CRIP3: variants seen among roughly 807,000 people sequenced by gnomAD.
CRIP3 encodes cysteine-rich protein 3.
CRIP3 carries 23 observed loss-of-function variants against 30.3 expected under a neutral mutation model. That is an observed-to-expected ratio of 0.76 (90% CI 0.55 to 1.08). The LOEUF (loss-of-function observed/expected upper bound fraction) is 1.08, where lower values mean the gene tolerates loss of function less well. Ranked by LOEUF, CRIP3 falls within the 50% of genes least tolerant of loss-of-function variation. CRIP3 has a pLI of 0.00. For synonymous variants in CRIP3, 89 were observed against 97.6 expected (o/e 0.91, Z 0.52); for missense variants, 261 against 259.3 (o/e 1.01, Z -0.04).
intron 1 of CRIP3, 123 bp downstream of exon 1, chr6:43,308,627 C>T: frequency 8.0e-7 from 1 of 1,246,704 alleles, no homozygotes; most frequent in South Asian, 1.3e-5. Flanking sequence ...GGTGCGGAGA[C>T]TACCAGCCGC....
Position 43,308,262 on chromosome 6 carries a change from G to C in CRIP3, c.138+53C>G, listed in dbSNP as rs1033563544. The stretch of plus-strand genomic sequence containing the variant: ...TGCTGAAGTTGGGGGCTGGTGCCTG[G>C]GGGGTGGGAGGCAGTGATGTAAACA... On this transcript the variant is annotated intron_variant, in intron 2 of 7. Coordinates refer to ENST00000372569, the MANE Select transcript of CRIP3 (RefSeq NM_206922.3). 5 of 1,452,974 alleles carry C rather than the reference G, an allele frequency of 3.4e-6. No homozygotes were observed. In the Admixed American group the frequency reaches 7.7e-5, roughly 23 times the overall value. The allele number at this position is 1,452,974 out of a possible 1,614,324, so 90.0% of individuals were successfully genotyped here.
In CRIP3 at chr6:43,306,480, C is replaced by T. The variant is rs777653358; in HGVS notation, c.366G>A (p.Ser122=). ...CGGGCTCCCCACAGCCAGGGCACAG[C>T]GAGGTCTCCCCAGTGAATGTCTTCA... ...PHMKTFTGET[S]LCPGCGEPVY... is the part of the protein sequence containing the mutation. Residue 122 remains serine, a synonymous_variant, in exon 5 of 8, where the codon TCG becomes TCA. Coordinates refer to ENST00000372569, the MANE Select transcript of CRIP3 (RefSeq NM_206922.3). The T allele has an allele frequency of 3.8e-5, 62 of 1,612,716 alleles. No individual in the cohort carries two copies. The highest frequency in any genetic ancestry group is 5.0e-5 in the Non-Finnish European group (59 of 1,179,326).
At position 43,308,331 on chromosome 6, in the gene CRIP3, G is replaced by C. The variant is rs539152263; in HGVS notation, c.122C>G (p.Pro41Arg). Residue 41 changes from proline to arginine, a missense_variant, in exon 2 of 8, where the codon CCT becomes CGT. Transcript: ENST00000372569. ...AGGTCTTACCTCTGCATGCCCGCCA[G>C]GGGACAGGATGCTGTGGCAGCGCTC... is the stretch of plus-strand genomic sequence containing the variant. ...KCERCHSILS[P>R]GGHAEHNGRP... The C allele has an allele frequency of 6.2e-7, 1 of 1,612,818 alleles. No individual in the cohort carries two copies. The highest frequency in any genetic ancestry group is 1.7e-5 in the Admixed American group (1 of 59,864).
In CRIP3 at chr6:43,308,801, T is replaced by A; in HGVS notation, c.-9A>T. On this transcript the variant is annotated 5_prime_UTR_variant, in exon 1 of 8. Coordinates refer to ENST00000372569, the MANE Select transcript of CRIP3 (RefSeq NM_206922.3). ...GGACAGGTCCAGCTCATAGCTCCGC[T>A]CCAGGCAGCGCACGCGGCACACAGT... 5.0e-6 allele frequency: 8 copies of A among 1,613,888 alleles called. No homozygotes were observed. The highest frequency in any genetic ancestry group is 6.8e-6 in the Non-Finnish European group (8 of 1,180,002).
intron 7 of CRIP3, 22 bp downstream of exon 7, chr6:43,306,045 T>A (rs200169587): frequency 6.2e-7 from 1 of 1,609,522 alleles, no homozygotes; most frequent in East Asian, 2.2e-5. Flanking sequence ...GCCATCCCAG[T>A]GTCTGGGATG....
intron 4 of CRIP3, chr6:43,306,922 TGAA>T (rs1778947468): frequency 1.7e-5 from 3 of 180,532 alleles, no homozygotes; most frequent in Admixed American, 5.4e-5. Context: ...GGAGAAAAGT[TGAA>T]GAATATGAGA....
At chr6:43,307,360 G>A (rs902887008) in intron 4 of CRIP3, 10 of 288,334 alleles carry the variant, frequency 3.5e-5, no homozygotes, top group Non-Finnish European at 5.1e-5. Flanking sequence ...GGCTGGTCTC[G>A]AACTCCTGAC....
At position 43,306,054 on chromosome 6, in the gene CRIP3, TG is replaced by T. The variant is rs139840752; in HGVS notation, c.553+12del. The T allele has an allele frequency of 8.8e-5, 142 of 1,612,034 alleles. No individual in the cohort carries two copies. The African/African-American group carries it at 1.7e-3, about 19-fold the overall frequency. On this transcript the variant is annotated intron_variant, in intron 7 of 7. Coordinates refer to ENST00000372569, the MANE Select transcript of CRIP3 (RefSeq NM_206922.3). ...GTACATGCCATCCCAGTGTCTGGGA[TG>T]GGGCTGCCCACCTTTGGGGCCAAAC...
intron 4 of CRIP3, chr6:43,307,235 G>A (rs1008846918): frequency 2.7e-5 from 4 of 147,918 alleles, no homozygotes; most frequent in African/African-American, 7.7e-5. Flanking sequence ...CGCCTCCTGG[G>A]TTCAAATGAT....
At chr6:43,308,282 T>TAAACAGGGCAGTGCTCC (rs1482475398) in intron 2 of CRIP3, 33 bp downstream of exon 2, 1 of 1,545,742 alleles carries the variant, frequency 6.5e-7, no homozygotes, top group Admixed American at 1.8e-5. Flanking sequence ...GGCAGTGATG[T>TAAACAGGGCAGTGCTCC]AAACAGGGCA....
Position 43,306,528 on chromosome 6 carries a change from G to A in CRIP3, c.329-11C>T, listed in dbSNP as rs530236387. ...TCATATGGGGAGGGCCTTTAAAGGG[G>A]AAGAGGCCCTGGCTATGTCTGAGGT... On this transcript the variant is annotated splice_polypyrimidine_tract_variant and intron_variant, in intron 4 of 7. Transcript: ENST00000372569. 1.3e-6 allele frequency: 2 copies of A among 1,594,432 alleles called. No individual in the cohort carries two copies. Among genetic ancestry groups the A allele is most frequent in the East Asian group, 2.2e-5 (1 of 44,812 alleles).
rs924206535 is a variant in CRIP3, at chr6:43,306,214, C to T, written c.495+5G>A. ...AACATAACCACTCATTCCTGCCCTGCTCACCTCAGCATGACTCCCAGCAGT... is the reference window on the plus strand; with the variant it reads ...AACATAACCACTCATTCCTGCCCTGTTCACCTCAGCATGACTCCCAGCAGT... On this transcript the variant is annotated splice_donor_5th_base_variant and intron_variant, in intron 6 of 7. Coordinates refer to ENST00000372569, the MANE Select transcript of CRIP3 (RefSeq NM_206922.3). 4 of 1,614,044 alleles carry T rather than the reference C, an allele frequency of 2.5e-6. No individual in the cohort carries two copies. The African/African-American group carries it at 5.3e-5, about 22-fold the overall frequency.
intron 4 of CRIP3, 161 bp downstream of exon 4, chr6:43,307,448 AAAG>A: frequency 1.6e-5 from 10 of 619,062 alleles, no homozygotes; most frequent in Middle Eastern, 5.1e-4. Flanking sequence ...AGAAAGAAAG[AAAG>A]AAAAAAAAAG....
In CRIP3 at chr6:43,306,277, C is replaced by A. The variant is rs150386554; in HGVS notation, c.437G>T (p.Arg146Leu). 4 of 1,614,012 alleles carry A rather than the reference C, an allele frequency of 2.5e-6. No homozygotes were observed. Among genetic ancestry groups the A allele is most frequent in the South Asian group, 1.1e-5 (1 of 91,052 alleles). The change falls in exon 6 of 8, where the codon CGA becomes CTA. Residue 146 changes from arginine to leucine, a missense_variant. By Grantham distance (102) the Arg-to-Leu change is moderately radical. Transcript: ENST00000372569. Reference sequence around the variant, plus strand: ...GCAACGCTGGCACCTCAGACACGGTCGGTGCCAATTTCTGCCTAATGACAT... The same window carrying A: ...GCAACGCTGGCACCTCAGACACGGTAGGTGCCAATTTCTGCCTAATGACAT... ...KVMSLGRNWH[R>L]PCLRCQRCHK...
intron 4 of CRIP3, 93 bp downstream of exon 4, chr6:43,307,519 G>T: frequency 8.4e-7 from 1 of 1,193,932 alleles, no homozygotes. Flanking sequence ...GTGAAGCAGA[G>T]GGCTGGATAG....
rs760826223 is a variant in CRIP3 at position 43,305,755 on chromosome 6, T to C, written c.*59A>G. The C allele has an allele frequency of 1.6e-5, 26 of 1,602,656 alleles. No individual in the cohort carries two copies. The highest frequency in any genetic ancestry group is 1.0e-4 in the Admixed American group (6 of 59,964). On this transcript the variant is annotated 3_prime_UTR_variant, in exon 8 of 8. Transcript: ENST00000372569. ...GGACTGGAGATTTTTGTAGCTTCCA[T>C]TGGACCATGAGGGGCATGATGGGAG...
chr6:43,306,620 AGTGCCCCAC>A, intron 4 of CRIP3, 103 bp from the exon 5 acceptor site: 1 of 1,026,680 alleles, frequency 9.7e-7, no homozygotes. Context: ...CTCATTCCAG[AGTGCCCCAC>A]CCAGGCGCCC....
Position 43,308,817 on chromosome 6 carries a change from G to A in CRIP3, c.-25C>T, listed in dbSNP as rs966145841. The A allele has an allele frequency of 5.6e-6, 9 of 1,613,684 alleles. No homozygotes were observed. Among genetic ancestry groups the A allele is most frequent in the Admixed American group, 1.7e-5 (1 of 59,992 alleles). On this transcript the variant is annotated 5_prime_UTR_variant, in exon 1 of 8. Coordinates refer to ENST00000372569, the MANE Select transcript of CRIP3 (RefSeq NM_206922.3). ...TAGCTCCGCTCCAGGCAGCGCACGC[G>A]GCACACAGTAGGTACGCCGCTGCGG...
intron 7 of CRIP3, 62 bp from the exon 8 acceptor site, chr6:43,305,937 G>A (rs1778917815): frequency 1.2e-6 from 2 of 1,612,230 alleles, no homozygotes; most frequent in African/African-American, 1.3e-5. Flanking sequence ...CAGGCCTAGA[G>A]GGAACTTGGT....
Sources: gnomAD v4.1 joint callset for allele counts on GRCh38, gnomAD v4.1.1 for gene constraint, MANE v1.5 for transcripts, NCBI Gene and HGNC (gene_info 2026-07-23, HGNC 2026-07-21) for gene names.